Variants in SPMIP2 observed in about 807,000 individuals in gnomAD.
SPMIP2 encodes protein SPMIP2.
the SPMIP2 span, among the ~76,000 whole-genome samples, chr4:158,943,768 C>T: frequency 6.6e-6 from 1 of 151,906 alleles, no homozygotes. Flanking sequence ...GTGCTCCACG[C>T]AGTAAGCCCT....
the SPMIP2 span, among the ~76,000 whole-genome samples, chr4:159,041,711 T>C: frequency 7.2e-5 from 11 of 152,360 alleles, no homozygotes; most frequent in African/African-American, 1.9e-4. Flanking sequence ...GTGTTTTATG[T>C]GGTCTTTCTC....
chr4:158,946,445 A>C, the SPMIP2 span, among the ~76,000 whole-genome samples: 2 of 152,126 alleles, frequency 1.3e-5, no homozygotes, highest in African/African-American at 4.8e-5. Context: ...TGATTGGATC[A>C]TGGGGGCGGT....
chr4:158,960,996 G>T, the SPMIP2 span, among the ~76,000 whole-genome samples: 4 of 145,772 alleles, frequency 2.7e-5, no homozygotes. Context: ...GGCACATCTT[G>T]TAAATAAGCA....
the SPMIP2 span, among the ~76,000 whole-genome samples, chr4:159,061,828 A>AAG: frequency 6.6e-6 from 1 of 151,566 alleles, no homozygotes; most frequent in Admixed American, 6.6e-5. Flanking sequence ...AAAAAAAAAA[A>AAG]AAGATAGAGC....
the SPMIP2 span, among the ~76,000 whole-genome samples, chr4:159,065,107 T>C: frequency 2.0e-5 from 3 of 152,250 alleles, no homozygotes; most frequent in Non-Finnish European, 4.4e-5. Flanking sequence ...CTTACTCACA[T>C]ACATTTGCAC....
the SPMIP2 span, among the ~76,000 whole-genome samples, chr4:158,998,896 C>T: frequency 1.4e-4 from 21 of 152,010 alleles, no homozygotes; most frequent in African/African-American, 4.6e-4. Flanking sequence ...TGAGGCCAGG[C>T]GTGGTGGCTC....
the SPMIP2 span, among the ~76,000 whole-genome samples, chr4:159,077,366 C>T: frequency 6.6e-6 from 1 of 152,032 alleles, no homozygotes; most frequent in South Asian, 2.1e-4. Flanking sequence ...AGGCTGGTCT[C>T]AAACTCCTGA....
At chr4:158,910,205 T>C in the SPMIP2 span, among the ~76,000 whole-genome samples, 1 of 151,318 alleles carries the variant, frequency 6.6e-6, no homozygotes, top group African/African-American at 2.4e-5. Context: ...TTATGTGTCA[T>C]CTTGGCTAGG....
chr4:158,898,760 T>C, the SPMIP2 span, among the ~76,000 whole-genome samples: 1 of 152,236 alleles, frequency 6.6e-6, no homozygotes, highest in Non-Finnish European at 1.5e-5. Context: ...TTTCCAAATA[T>C]ACAATCATGT....
At chr4:158,933,525 C>G in the SPMIP2 span, among the ~76,000 whole-genome samples, 46 of 152,148 alleles carry the variant, frequency 3.0e-4, no homozygotes, top group Non-Finnish European at 5.4e-4. Context: ...GTTGCCATTA[C>G]TTCATTGTAA....
chr4:159,039,525 G>A, the SPMIP2 span, among the ~76,000 whole-genome samples: 24 of 152,284 alleles, frequency 1.6e-4, no homozygotes, highest in African/African-American at 7.2e-5. Flanking sequence ...GAAAGAAAAC[G>A]GGGGCCAATG....
the SPMIP2 span, among the ~76,000 whole-genome samples, chr4:158,936,935 A>G: frequency 6.6e-6 from 1 of 152,232 alleles, no homozygotes; most frequent in Non-Finnish European, 1.5e-5. Context: ...ACTGGAGGTT[A>G]GGCTAACAGT....
chr4:159,010,977 A>G, the SPMIP2 span, among the ~76,000 whole-genome samples: 1 of 152,078 alleles, frequency 6.6e-6, no homozygotes, highest in Non-Finnish European at 1.5e-5. Flanking sequence ...TCTTCTTCCT[A>G]GGTTTATATG....
chr4:159,007,755 G>A, the SPMIP2 span: 204,467 of 615,018 alleles, frequency 0.33, 35,155 homozygotes, highest in South Asian at 0.44. Context: ...GGCCTTCTAC[G>A]CTGAGGTTTA....
the SPMIP2 span, among the ~76,000 whole-genome samples, chr4:159,057,577 T>C: frequency 6.6e-6 from 1 of 152,302 alleles, no homozygotes; most frequent in African/African-American, 2.4e-5. Context: ...GTCTCAAAAA[T>C]GTTCATTTTT....
At chr4:158,964,847 A>C in the SPMIP2 span, among the ~76,000 whole-genome samples, 1 of 152,196 alleles carries the variant, frequency 6.6e-6, no homozygotes, top group Non-Finnish European at 1.5e-5. Context: ...AGAGCAAAGA[A>C]GGAACCCCCT....
chr4:159,007,229 C>T, the SPMIP2 span: 1 of 1,382,450 alleles, frequency 7.2e-7, no homozygotes, highest in Non-Finnish European at 1.0e-6. Context: ...AGATTCTTGC[C>T]ACAGAAAATC....
the SPMIP2 span, among the ~76,000 whole-genome samples, chr4:158,974,751 T>C: frequency 6.6e-6 from 1 of 152,156 alleles, no homozygotes; most frequent in East Asian, 1.9e-4. Flanking sequence ...CTACTGTGAA[T>C]AGTGCTGCAA....
the SPMIP2 span, among the ~76,000 whole-genome samples, chr4:159,031,489 C>A: frequency 2.0e-5 from 3 of 152,112 alleles, no homozygotes; most frequent in Non-Finnish European, 4.4e-5. Flanking sequence ...TTAAAATAGA[C>A]AAAAAGAGAA....
Sources: allele counts gnomAD v4.1 joint callset (sites outside exome capture counted in the v4.1 genomes callset), GRCh38; gene constraint gnomAD v4.1.1; transcripts MANE v1.5; gene names NCBI Gene and HGNC (gene_info 2026-07-23, HGNC 2026-07-21).